Variants in PRKAR1B observed in about 807,000 individuals in gnomAD.
PRKAR1B encodes protein kinase cAMP-dependent type I regulatory subunit beta.
Under a neutral mutation model 46.5 loss-of-function variants are expected in PRKAR1B, and 22 were observed. The ratio of observed to expected loss-of-function variants is 0.47; its 90% CI spans 0.34 to 0.68. The LOEUF (loss-of-function observed/expected upper bound fraction) is 0.68, where lower values mean the gene tolerates loss of function less well. Ranked by LOEUF, PRKAR1B falls within the 30% of genes least tolerant of loss-of-function variation. The probability of loss-of-function intolerance (pLI) is 0.01; values close to 1 mark genes in which losing one functional copy is unlikely to be tolerated. For missense variants in PRKAR1B, 445 were observed against 535.6 expected (o/e 0.83, Z 1.67); for synonymous variants, 259 against 217.7 (o/e 1.19, Z -1.67).
At chr7:662,754 G>A (rs1044127899) in intron 4 of PRKAR1B, among the ~76,000 whole-genome samples, 1 of 152,130 alleles carries the variant, frequency 6.6e-6, no homozygotes, top group African/African-American at 2.4e-5. Context: ...CTCCCCTCCA[G>A]TCCCACGGGC....
At chr7:594,624 G>C (rs1339087325) in intron 7 of PRKAR1B, among the ~76,000 whole-genome samples, 1 of 152,120 alleles carries the variant, frequency 6.6e-6, no homozygotes, top group East Asian at 1.9e-4. Context: ...GCCATAAGGG[G>C]ACACCTCCAA....
intron 9 of PRKAR1B, among the ~76,000 whole-genome samples, chr7:563,572 G>C (rs774932778): frequency 1.1e-4 from 17 of 152,176 alleles, no homozygotes; most frequent in Admixed American, 2.0e-4. Flanking sequence ...GTGAGTGCGT[G>C]CACAGGTGTG....
At chr7:684,436 A>C (rs1466898030) in intron 2 of PRKAR1B, among the ~76,000 whole-genome samples, 13 of 152,232 alleles carry the variant, frequency 8.5e-5, no homozygotes, top group Admixed American at 7.9e-4. Flanking sequence ...ATGCATATAT[A>C]CATCTACCAC....
At chr7:718,979 C>T (rs1780981905) in intron 1 of PRKAR1B, among the ~76,000 whole-genome samples, 1 of 149,134 alleles carries the variant, frequency 6.7e-6, no homozygotes. Flanking sequence ...CCAAGTGATC[C>T]TCCCACCCCA....
chr7:663,209 A>C (rs1785712030), intron 4 of PRKAR1B, among the ~76,000 whole-genome samples: 1 of 152,034 alleles, frequency 6.6e-6, no homozygotes, highest in South Asian at 2.1e-4. Flanking sequence ...TCCACTTTTT[A>C]TTGATGTGTG....
At chr7:713,377 T>A (rs1485046402) in intron 1 of PRKAR1B, among the ~76,000 whole-genome samples, 1 of 151,322 alleles carries the variant, frequency 6.6e-6, no homozygotes, top group Admixed American at 6.6e-5. Context: ...CCCCGGGTCC[T>A]GCACTCACCT....
chr7:680,890 C>T (rs1583409475), intron 2 of PRKAR1B, among the ~76,000 whole-genome samples, 164 bp from the exon 3 acceptor site: 1 of 152,276 alleles, frequency 6.6e-6, no homozygotes, highest in South Asian at 2.1e-4. Flanking sequence ...ACCCAAATCT[C>T]TTTTTCTGTC....
Position 666,263 on chromosome 7 carries a change from A to G in PRKAR1B, c.440+10966T>C, listed in dbSNP as rs964119327. On this transcript the variant is annotated intron_variant, in intron 4 of 10. Coordinates refer to ENST00000537384, the MANE Select transcript of PRKAR1B (RefSeq NM_001164760.2). This position sits in a 1 kb window ranked among gnomAD's most constrained non-coding sequence, Gnocchi z 4.9. ...ACAGCCTTCATGGTCCTGGCACATC[A>G]GAGAGCTCCGGAACATGCGGGGCTG... is the stretch of plus-strand genomic sequence containing the variant. Among the ~76,000 whole-genome samples, 1 of 129,646 alleles carries G rather than the reference A, an allele frequency of 7.7e-6. No individual in the cohort carries two copies. Among genetic ancestry groups the G allele is most frequent in the African/African-American group, 4.5e-5 (1 of 22,062 alleles). 85.1% of individuals were successfully genotyped at this position (129,646 alleles called of 152,430 possible).
intron 2 of PRKAR1B, among the ~76,000 whole-genome samples, chr7:704,430 C>T (rs1780208114): frequency 6.6e-6 from 1 of 151,598 alleles, no homozygotes; most frequent in Admixed American, 6.6e-5. Flanking sequence ...GGTAATATTA[C>T]TCTATATTGA....
intron 4 of PRKAR1B, among the ~76,000 whole-genome samples, chr7:662,073 G>C (rs1785610562): frequency 1.3e-5 from 1 of 77,144 alleles, no homozygotes; most frequent in Non-Finnish European, 2.5e-5. Flanking sequence ...CACCCCAACG[G>C]GTCCAAATAC....
chr7:626,587 C>A (rs1783416975), intron 4 of PRKAR1B, among the ~76,000 whole-genome samples: 1 of 152,052 alleles, frequency 6.6e-6, no homozygotes, highest in African/African-American at 2.4e-5. Context: ...AGAAATAATA[C>A]CAATTCTCTA....
At chr7:710,589 G>T (rs1780568645) in intron 2 of PRKAR1B, among the ~76,000 whole-genome samples, 1 of 151,634 alleles carries the variant, frequency 6.6e-6, no homozygotes, top group Admixed American at 6.6e-5. Context: ...GATCAACGTG[G>T]AATTCGACCT....
chr7:646,614 C>A (rs1429988620), intron 4 of PRKAR1B, among the ~76,000 whole-genome samples: 1 of 152,204 alleles, frequency 6.6e-6, no homozygotes. Context: ...CACAATTAAA[C>A]CTTGTTTCCC....
intron 9 of PRKAR1B, among the ~76,000 whole-genome samples, chr7:561,120 C>A (rs1472547807): frequency 6.6e-6 from 1 of 151,144 alleles, no homozygotes; most frequent in Non-Finnish European, 1.5e-5. Context: ...ACACCCCACA[C>A]ACAGGCACAC....
chr7:671,487 C>G (rs1232873620), intron 4 of PRKAR1B, among the ~76,000 whole-genome samples: 1 of 152,178 alleles, frequency 6.6e-6, no homozygotes, highest in East Asian at 1.9e-4. Flanking sequence ...CAGACAGGAT[C>G]TCGCTCTGTT....
chr7:583,661 C>T (rs1367513647), intron 8 of PRKAR1B, among the ~76,000 whole-genome samples: 1 of 143,876 alleles, frequency 7.0e-6, no homozygotes, highest in African/African-American at 2.8e-5. Context: ...CACCCATGCG[C>T]ACACACCCAC....
intron 4 of PRKAR1B, among the ~76,000 whole-genome samples, chr7:649,237 A>G (rs1331477011): frequency 1.3e-5 from 2 of 152,232 alleles, no homozygotes; most frequent in Non-Finnish European, 2.9e-5. Flanking sequence ...TTCTCCTCGA[A>G]TGAGTATTTC....
chr7:577,161 G>A (rs951491041), intron 9 of PRKAR1B, among the ~76,000 whole-genome samples: 2 of 150,666 alleles, frequency 1.3e-5, no homozygotes, highest in Admixed American at 6.6e-5. Context: ...CAGCCGCATT[G>A]CTGGGCTTCT....
chr7:681,587 G>C (rs1208159358), intron 2 of PRKAR1B, among the ~76,000 whole-genome samples: 1 of 152,218 alleles, frequency 6.6e-6, no homozygotes, highest in Non-Finnish European at 1.5e-5. Context: ...CTGGAGGTCT[G>C]CTGGGAGGAG....
Sources: gnomAD v4.1 joint callset for allele counts (sites outside exome capture counted in the v4.1 genomes callset) on GRCh38, gnomAD v4.1.1 for gene constraint, Gnocchi (gnomAD v3.1) non-coding constraint, MANE v1.5 for transcripts, NCBI Gene and HGNC (gene_info 2026-07-23, HGNC 2026-07-21) for gene names.